ADAMTSL3: variants seen among roughly 807,000 people sequenced by gnomAD.
ADAMTSL3 encodes the protein ADAMTS-like protein 3.
Under a neutral mutation model 201.7 loss-of-function variants are expected in ADAMTSL3, and 128 were observed. That is an observed-to-expected ratio of 0.63 (90% CI 0.55 to 0.73). The LOEUF (loss-of-function observed/expected upper bound fraction) is 0.73, where lower values mean the gene tolerates loss of function less well. Among genes scored for constraint, ADAMTSL3 ranks in the 30% least tolerant of loss-of-function variants. The probability of loss-of-function intolerance (pLI) is 0.00; values close to 1 mark genes in which losing one functional copy is unlikely to be tolerated. For synonymous variants in ADAMTSL3, 738 were observed against 748.4 expected, an observed-to-expected ratio of 0.99 and a Z score of 0.23; for missense variants, 1,990 against 2,119.6, an observed-to-expected ratio of 0.94 and a Z score of 1.20.
intron 17 of ADAMTSL3, among the ~76,000 whole-genome samples, chr15:83,938,884 G>GTT (rs1313013649): frequency 1.3e-5 from 2 of 152,074 alleles, no homozygotes; most frequent in Non-Finnish European, 2.9e-5. Context: ...TAACAAAGGG[G>GTT]TGCTCAATTA....
intron 4 of ADAMTSL3, among the ~76,000 whole-genome samples, chr15:83,781,367 T>G (rs2063164773): frequency 6.6e-6 from 1 of 152,186 alleles, no homozygotes; most frequent in Non-Finnish European, 1.5e-5. Context: ...GGAGAAAGGA[T>G]TTCCTATTCA....
chr15:83,803,293 A>C (rs182501763), intron 4 of ADAMTSL3, among the ~76,000 whole-genome samples: 27 of 152,282 alleles, frequency 1.8e-4, no homozygotes, highest in Middle Eastern at 3.4e-3. Flanking sequence ...ATCAGAAAGC[A>C]TATGCAATGA....
At chr15:83,848,291 A>G (rs2064543430) in intron 7 of ADAMTSL3, among the ~76,000 whole-genome samples, 1 of 152,216 alleles carries the variant, frequency 6.6e-6, no homozygotes, top group African/African-American at 2.4e-5. Flanking sequence ...ATTTAGGTTG[A>G]TGTAGTTCCG....
intron 28 of ADAMTSL3, among the ~76,000 whole-genome samples, chr15:84,035,505 G>A (rs919440518): frequency 2.0e-5 from 3 of 152,108 alleles, no homozygotes; most frequent in African/African-American, 4.8e-5. Flanking sequence ...CAGCTAACAG[G>A]ACACCCACCT....
intron 2 of ADAMTSL3, among the ~76,000 whole-genome samples, chr15:83,664,909 A>C (rs2061227944): frequency 6.6e-6 from 1 of 152,190 alleles, no homozygotes; most frequent in Non-Finnish European, 1.5e-5. Flanking sequence ...AAGCCCAGGC[A>C]GTTTGTGGCT....
chr15:83,883,287 C>T (rs2065313927), intron 9 of ADAMTSL3, among the ~76,000 whole-genome samples: 1 of 151,782 alleles, frequency 6.6e-6, no homozygotes. Flanking sequence ...ATTCTCCTGC[C>T]TCAGCTTCCC....
chr15:83,880,326 C>T (rs1391878616), intron 9 of ADAMTSL3, among the ~76,000 whole-genome samples: 1 of 152,106 alleles, frequency 6.6e-6, no homozygotes, highest in Non-Finnish European at 1.5e-5. Flanking sequence ...ATCCTTTGCT[C>T]AGGTGTGTCT....
chr15:83,872,532 T>G (rs576191695), intron 9 of ADAMTSL3, among the ~76,000 whole-genome samples: 9 of 152,054 alleles, frequency 5.9e-5, no homozygotes, highest in African/African-American at 2.2e-4. Context: ...TGTTATGACA[T>G]AAATTCTATG....
At chr15:83,775,815 C>A (rs2063063179) in intron 4 of ADAMTSL3, among the ~76,000 whole-genome samples, 1 of 152,176 alleles carries the variant, frequency 6.6e-6, no homozygotes, top group African/African-American at 2.4e-5. Context: ...AACACTTTGG[C>A]TTGGTAATAT....
rs536337185 is a variant in ADAMTSL3 at position 83,704,540 on chromosome 15, C to T, written c.189+32C>T. On this transcript the variant is annotated intron_variant, in intron 3 of 29. Coordinates refer to ENST00000286744, the MANE Select transcript of ADAMTSL3 (RefSeq NM_207517.3). Reference sequence around the variant, plus strand: ...ACATTGGACAAGGATCTACCTTTGGCTTTGCTGTTTGCCAGTGGTCAGGAA... The same window carrying T: ...ACATTGGACAAGGATCTACCTTTGGTTTTGCTGTTTGCCAGTGGTCAGGAA... The T allele has an allele frequency of 1.9e-6, 3 of 1,605,514 alleles. No homozygotes were observed. In the African/African-American group the frequency reaches 4.2e-5, roughly 22 times the overall value.
chr15:83,766,060 G>A (rs1321681810), intron 3 of ADAMTSL3, among the ~76,000 whole-genome samples: 1 of 147,050 alleles, frequency 6.8e-6, no homozygotes, highest in African/African-American at 2.4e-5. Flanking sequence ...AAGGTGATAG[G>A]GATACATGAG....
chr15:83,803,294 T>C (rs1251718231), intron 4 of ADAMTSL3, among the ~76,000 whole-genome samples: 1 of 152,162 alleles, frequency 6.6e-6, no homozygotes, highest in East Asian at 1.9e-4. Context: ...TCAGAAAGCA[T>C]ATGCAATGAG....
intron 23 of ADAMTSL3, among the ~76,000 whole-genome samples, chr15:83,994,486 T>C (rs1240174037): frequency 6.6e-6 from 1 of 152,180 alleles, no homozygotes; most frequent in Non-Finnish European, 1.5e-5. Flanking sequence ...AATGCAAATT[T>C]TTTAACACTT....
intron 8 of ADAMTSL3, among the ~76,000 whole-genome samples, chr15:83,865,526 T>G (rs1345668611): frequency 6.6e-6 from 1 of 152,168 alleles, no homozygotes; most frequent in African/African-American, 2.4e-5. Context: ...AATTCCCTAT[T>G]TAAGAAATGG....
chr15:83,750,231 A>G (rs2062617411), intron 3 of ADAMTSL3, among the ~76,000 whole-genome samples: 1 of 152,174 alleles, frequency 6.6e-6, no homozygotes, highest in African/African-American at 2.4e-5. Flanking sequence ...GTAACTCAAC[A>G]CAGCTACCTG....
intron 8 of ADAMTSL3, among the ~76,000 whole-genome samples, chr15:83,863,943 C>A (rs2064921608): frequency 6.6e-6 from 1 of 152,124 alleles, no homozygotes; most frequent in Admixed American, 6.5e-5. Flanking sequence ...CACCACCGAT[C>A]CCACAGAAAT....
intron 3 of ADAMTSL3, among the ~76,000 whole-genome samples, chr15:83,763,506 C>CT (rs1294346370): frequency 0.11 from 14,327 of 131,886 alleles, 948 homozygotes; most frequent in Admixed American, 0.19. Flanking sequence ...ACAAATAATT[C>CT]TTTTTTTTTT....
rs184831742 is a variant in ADAMTSL3, at chr15:84,013,319, C to T, written c.3974-1223C>T. On this transcript the variant is annotated intron_variant, in intron 23 of 29. Coordinates refer to ENST00000286744, the MANE Select transcript of ADAMTSL3 (RefSeq NM_207517.3). ...CAAGTGTCACCATGTTCATGGAGCACGCATTTTGCCTACTGTAAGGTGTGT... is the reference window on the plus strand; with the variant it reads ...CAAGTGTCACCATGTTCATGGAGCATGCATTTTGCCTACTGTAAGGTGTGT... 1.3e-4 allele frequency among the ~76,000 whole-genome samples: 20 copies of T among 152,286 alleles called. No homozygotes were observed. The East Asian group carries it at 2.9e-3, about 22-fold the overall frequency.
chr15:83,894,773 A>T (rs1567220228), intron 13 of ADAMTSL3, among the ~76,000 whole-genome samples: 1 of 152,076 alleles, frequency 6.6e-6, no homozygotes, highest in Non-Finnish European at 1.5e-5. Flanking sequence ...AAGTATTTAA[A>T]ATATTCCTCT....
Sources: allele counts gnomAD v4.1 joint callset (sites outside exome capture counted in the v4.1 genomes callset), GRCh38; gene constraint gnomAD v4.1.1; transcripts MANE v1.5; gene names NCBI Gene and HGNC (gene_info 2026-07-23, HGNC 2026-07-21).